RUFY3: variants seen among roughly 807,000 people sequenced by gnomAD.
RUFY3 encodes the protein RUN and FYVE domain containing 3.
In RUFY3, 34 loss-of-function variants were observed where a neutral mutation model predicts 84.0. The observed-to-expected ratio is 0.40, with a 90% confidence interval of 0.31 to 0.54. The LOEUF (loss-of-function observed/expected upper bound fraction) is 0.54, where lower values mean the gene tolerates loss of function less well. RUFY3 is among the 20% of genes least tolerant of loss of function. The pLI is 0.39. For missense variants in RUFY3, 507 were observed against 736.8 expected (o/e 0.69, Z 3.61); for synonymous variants, 242 against 252.9 (o/e 0.96, Z 0.41).
At chr4:70,715,588 C>CAAAAA (rs886636641) in intron 1 of RUFY3, among the ~76,000 whole-genome samples, 2 of 46,672 alleles carry the variant, frequency 4.3e-5, no homozygotes, top group African/African-American at 7.5e-5. Flanking sequence ...ACACTATCTC[C>CAAAAA]AAAAAAAAAA....
At chr4:70,705,768 A>C (rs745361906) in intron 1 of RUFY3, among the ~76,000 whole-genome samples, 1 of 152,096 alleles carries the variant, frequency 6.6e-6, no homozygotes, top group Non-Finnish European at 1.5e-5. Flanking sequence ...GCGCCGCGGC[A>C]GCTGAGTAGG....
At chr4:70,775,340 A>G (rs1158649846) in intron 7 of RUFY3, 107 bp downstream of exon 7, 6 of 683,730 alleles carry the variant, frequency 8.8e-6, no homozygotes, top group African/African-American at 1.9e-5. Context: ...CAACAAATAT[A>G]TGTAGAATTC....
intron 5 of RUFY3, among the ~76,000 whole-genome samples, chr4:70,771,209 A>T (rs568750951): frequency 2.0e-5 from 3 of 152,342 alleles, no homozygotes; most frequent in Admixed American, 1.3e-4. Flanking sequence ...TGTTGGAAAA[A>T]TGGCACTAAT....
At position 70,725,242 on chromosome 4, in the gene RUFY3, C is replaced by T. The variant is rs115239562; in HGVS notation, c.178+2491C>T. Among the ~76,000 whole-genome samples the T allele has an allele frequency of 2.2e-3, 334 of 152,222 alleles. 1 individual carries two copies. The highest frequency in any genetic ancestry group is 7.7e-3 in the African/African-American group (319 of 41,522). ...CCTAGAGTTTCTGCCTACTTTAACC[C>T]TTAAATAAATGAAAATAAAAGCATT... On this transcript the variant is annotated intron_variant, in intron 1 of 17. Transcript: ENST00000381006.
At position 70,789,492 on chromosome 4, in the gene RUFY3, C is replaced by T. The variant is rs769708219; in HGVS notation, c.1240-3C>T. ...GGTTGTTTATCGTTATTTTCCATAA[C>T]AGAGTTCAGACTTAGGAGTAAAACA... On this transcript the variant is annotated splice_region_variant and splice_polypyrimidine_tract_variant and intron_variant, in intron 11 of 17. Coordinates refer to ENST00000381006, the MANE Select transcript of RUFY3 (RefSeq NM_001037442.4). 1.2e-6 allele frequency: 2 copies of T among 1,608,554 alleles called. No homozygotes were observed. Among genetic ancestry groups the T allele is most frequent in the Admixed American group, 1.7e-5 (1 of 59,282 alleles).
chr4:70,750,467 A>G (rs1459472536), intron 1 of RUFY3, among the ~76,000 whole-genome samples: 1 of 152,214 alleles, frequency 6.6e-6, no homozygotes, highest in African/African-American at 2.4e-5. Context: ...ATCAAGAAAC[A>G]TACAAGTTAT....
At chr4:70,711,254 C>T (rs1385008146) in intron 1 of RUFY3, among the ~76,000 whole-genome samples, 13 of 151,944 alleles carry the variant, frequency 8.6e-5, no homozygotes, top group Admixed American at 7.2e-4. Context: ...CCACCATGTC[C>T]GGCCTCAAGC....
rs950005722 is a variant in RUFY3, at chr4:70,711,064, GAAAAAAAAAAAA to G, written c.358+5786_358+5797del. 2.3e-3 allele frequency among the ~76,000 whole-genome samples: 123 copies of G among 54,092 alleles called. 3 individuals carry two copies. The highest frequency in any genetic ancestry group is 6.2e-3 in the African/African-American group (113 of 18,154). 35.5% of individuals were successfully genotyped at this position (54,092 alleles called of 152,430 possible). On this transcript the variant is annotated intron_variant, in intron 1 of 11. Coordinates refer to the RUFY3 transcript ENST00000417478. ...GGGCCACAGAGCAAGACTCCGTCTG[GAAAAAAAAAAAA>G]AAAAAAAAAAAAAAAGAAGTATGTC...
At chr4:70,778,949 T>C (rs1388308877) in intron 8 of RUFY3, among the ~76,000 whole-genome samples, 1 of 152,220 alleles carries the variant, frequency 6.6e-6, no homozygotes, top group Non-Finnish European at 1.5e-5. Context: ...CCAATTAGAC[T>C]GTGTAGGGGC....
chr4:70,786,444 TATG>T (rs1378631672), intron 10 of RUFY3, among the ~76,000 whole-genome samples: 6 of 152,036 alleles, frequency 3.9e-5, no homozygotes, highest in Non-Finnish European at 4.4e-5. Flanking sequence ...CTGGGGTTCA[TATG>T]ATAATTTAAT....
intron 1 of RUFY3, among the ~76,000 whole-genome samples, chr4:70,751,543 A>G (rs1723134455): frequency 1.3e-5 from 2 of 152,164 alleles, no homozygotes; most frequent in African/African-American, 4.8e-5. Context: ...CCATTTGTCT[A>G]TCTTCTCTGC....
At chr4:70,737,710 T>C (rs1436131442) in intron 1 of RUFY3, among the ~76,000 whole-genome samples, 1 of 149,866 alleles carries the variant, frequency 6.7e-6, no homozygotes, top group East Asian at 2.0e-4. Context: ...AGGGTCTTGC[T>C]CTGTCAACCA....
chr4:70,710,368 A>G (rs1378161439), intron 1 of RUFY3, among the ~76,000 whole-genome samples: 4 of 152,120 alleles, frequency 2.6e-5, no homozygotes, highest in Non-Finnish European at 5.9e-5. Context: ...ATTGTTTAGT[A>G]GTACTCTAGA....
At chr4:70,711,271 T>C (rs1017613159) in intron 1 of RUFY3, among the ~76,000 whole-genome samples, 1 of 152,024 alleles carries the variant, frequency 6.6e-6, no homozygotes, top group African/African-American at 2.4e-5. Flanking sequence ...AAGCACGTGT[T>C]AATCAGTTCA....
chr4:70,777,089 A>G (rs1396612520), intron 7 of RUFY3, among the ~76,000 whole-genome samples: 1 of 152,210 alleles, frequency 6.6e-6, no homozygotes, highest in African/African-American at 2.4e-5. Context: ...TTTATACATG[A>G]GTCTATCAAA....
intron 8 of RUFY3, among the ~76,000 whole-genome samples, chr4:70,779,252 T>C (rs936035299): frequency 2.0e-5 from 3 of 152,230 alleles, no homozygotes; most frequent in East Asian, 1.9e-4. Flanking sequence ...ATCATGCTTA[T>C]GTAACTCATG....
intron 1 of RUFY3, among the ~76,000 whole-genome samples, chr4:70,713,539 C>G (rs1741234420): frequency 6.7e-6 from 1 of 149,622 alleles, no homozygotes; most frequent in Non-Finnish European, 1.5e-5. Context: ...TCAGCTTTGT[C>G]AGAGGGAGTG....
At position 70,759,356 on chromosome 4, in the gene RUFY3, TTGTGTGTGTGTGTGTATGTGTGTG is replaced by T. The variant is rs1215488705; in HGVS notation, c.179-3147_179-3124del. On this transcript the variant is annotated intron_variant, in intron 1 of 17. Coordinates refer to ENST00000381006, the MANE Select transcript of RUFY3 (RefSeq NM_001037442.4). ...GATTTCATTCTTTTTATGGCTGAATTTGTGTGTGTGTGTGTATGTGTGTGTGTGTGTGTGTGTGTGTGTGTATAC... is the reference window on the plus strand; with the variant it reads ...GATTTCATTCTTTTTATGGCTGAATTTGTGTGTGTGTGTGTGTGTGTATAC... 2.5e-5 allele frequency among the ~76,000 whole-genome samples: 3 copies of T among 119,910 alleles called. No individual in the cohort carries two copies. In the East Asian group the frequency reaches 8.5e-4, roughly 34 times the overall value. 78.7% of individuals were successfully genotyped at this position (119,910 alleles called of 152,430 possible).
At chr4:70,718,623 G>A (rs76388464), upstream of RUFY3, among the ~76,000 whole-genome samples, 958 of 152,248 alleles carry the variant, frequency 6.3e-3, 11 homozygotes, top group African/African-American at 0.023. Context: ...AAAAATCAAG[G>A]TTTGAATATC....
Sources: allele counts gnomAD v4.1 joint callset (sites outside exome capture counted in the v4.1 genomes callset), GRCh38; gene constraint gnomAD v4.1.1; transcripts MANE v1.5; gene names NCBI Gene and HGNC (gene_info 2026-07-23, HGNC 2026-07-21).